EMILIN2: variants seen among roughly 807,000 people sequenced by gnomAD.
EMILIN2 encodes the protein elastin microfibril interfacer 2, also known as EMILIN-2.
Under a neutral mutation model 87.1 loss-of-function variants are expected in EMILIN2, and 71 were observed. The observed-to-expected ratio is 0.82, with a 90% CI of 0.67 to 0.99. The LOEUF (loss-of-function observed/expected upper bound fraction) is 0.99. Among genes scored for constraint, EMILIN2 ranks in the 50% least tolerant of loss-of-function variants. EMILIN2 has a pLI of 0.00. For synonymous variants in EMILIN2, 581 were observed against 563.4 expected (o/e 1.03, Z -0.44); for missense variants, 1,407 against 1,371.8 (o/e 1.03, Z -0.40).
intron 2 of EMILIN2, among the ~76,000 whole-genome samples, chr18:2,861,656 T>C (rs964812087): frequency 1.3e-4 from 20 of 152,206 alleles, no homozygotes; most frequent in Non-Finnish European, 2.8e-4. Flanking sequence ...TAGTTTGAAG[T>C]CAGGTAGTGT....
intron 7 of EMILIN2, among the ~76,000 whole-genome samples, chr18:2,911,053 C>T (rs1377796834): frequency 6.6e-6 from 1 of 152,194 alleles, no homozygotes; most frequent in Non-Finnish European, 1.5e-5. Flanking sequence ...TGCTTGCCTC[C>T]TCAGAAGAAA....
upstream of EMILIN2, chr18:2,846,693 A>G (rs1443688103): frequency 8.4e-6 from 8 of 953,920 alleles, no homozygotes; most frequent in Non-Finnish European, 1.0e-5. The surrounding 1 kb of genome is among the most constrained non-coding windows in gnomAD (Gnocchi z 5.3). Context: ...GGACGGCCAG[A>G]CTCGCCGACG....
rs371058349 is a variant in EMILIN2 at position 2,880,676 on chromosome 18, A to G, written c.258-4288A>G. ...GGTCCCTCGGCTTGGCCACCCCCAC[A>G]CTGCAGTTAGTTGACTGATTCTGTA... is the stretch of plus-strand genomic sequence containing the variant. On this transcript the variant is annotated intron_variant, in intron 2 of 7. Coordinates refer to ENST00000254528, the MANE Select transcript of EMILIN2 (RefSeq NM_032048.3). The surrounding 1 kb of genome is among the most constrained non-coding windows in gnomAD (Gnocchi z 4.1). Among the ~76,000 whole-genome samples the G allele has an allele frequency of 4.6e-5, 7 of 152,156 alleles. No individual in the cohort carries two copies. In the East Asian group the frequency reaches 1.4e-3, roughly 29 times the overall value.
chr18:2,870,217 C>T (rs1001217966), intron 2 of EMILIN2, among the ~76,000 whole-genome samples: 3 of 152,056 alleles, frequency 2.0e-5, no homozygotes, highest in Non-Finnish European at 4.4e-5. Flanking sequence ...CTCCAGCCTA[C>T]GTGACAGACC....
At chr18:2,906,652 A>G (rs2076913893) in intron 4 of EMILIN2, 131 bp from the exon 5 acceptor site, 1 of 701,470 alleles carries the variant, frequency 1.4e-6, no homozygotes, top group Non-Finnish European at 2.0e-6. Flanking sequence ...CGCTGGCCTG[A>G]CGTCGCAGGG....
intron 2 of EMILIN2, among the ~76,000 whole-genome samples, chr18:2,849,836 T>G (rs1345824621): frequency 1.6e-4 from 24 of 151,548 alleles, no homozygotes; most frequent in Non-Finnish European, 1.5e-5. Context: ...CAGTCTTGAC[T>G]TTTTTCAGTT....
intron 4 of EMILIN2, among the ~76,000 whole-genome samples, chr18:2,898,769 C>G (rs1453538072): frequency 6.6e-6 from 1 of 152,226 alleles, no homozygotes; most frequent in Non-Finnish European, 1.5e-5. Flanking sequence ...AGGGCACTGC[C>G]TGATGCCAAC....
At chr18:2,888,531 C>T (rs890138976) in intron 3 of EMILIN2, among the ~76,000 whole-genome samples, 2 of 151,976 alleles carry the variant, frequency 1.3e-5, no homozygotes, top group African/African-American at 2.4e-5. Flanking sequence ...CTGGCTAACA[C>T]AGTGAAACCC....
In EMILIN2 at chr18:2,870,268, T is replaced by C. The variant is rs114737350; in HGVS notation, c.258-14696T>C. The stretch of plus-strand genomic sequence containing the variant: ...TAAGTAAATAAAAATAAAAACATAA[T>C]GAAGTAAAAAACATTTCACATTTAT... On this transcript the variant is annotated intron_variant, in intron 2 of 7. Coordinates refer to ENST00000254528, the MANE Select transcript of EMILIN2 (RefSeq NM_032048.3). Among the ~76,000 whole-genome samples, 573 of 152,156 alleles carry C rather than the reference T, an allele frequency of 3.8e-3. 8 individuals carry two copies. The highest frequency in any genetic ancestry group is 0.013 in the African/African-American group (532 of 41,480).
intron 2 of EMILIN2, among the ~76,000 whole-genome samples, chr18:2,855,773 C>G (rs923023834): frequency 6.6e-6 from 1 of 152,218 alleles, no homozygotes; most frequent in Non-Finnish European, 1.5e-5. Context: ...ACACTTTCCT[C>G]ACGTCTACAT....
At chr18:2,882,895 A>T (rs923927701) in intron 2 of EMILIN2, among the ~76,000 whole-genome samples, 3 of 151,916 alleles carry the variant, frequency 2.0e-5, no homozygotes, top group African/African-American at 4.8e-5. Context: ...AAAAAAAAAA[A>T]ATATGACCCA....
In EMILIN2 at chr18:2,847,441, C is replaced by T. The variant is rs2076580718; in HGVS notation, c.134+119C>T. ...CAGCCGGGGGCCTCCCTTGGACTTC[C>T]CCGGGCGGCTCCCTCTGCGGGGGAC... On this transcript the variant is annotated intron_variant, in intron 1 of 7. Transcript: ENST00000254528. This position sits in a 1 kb window ranked among gnomAD's most constrained non-coding sequence, Gnocchi z 4.5. 8.8e-7 allele frequency: 1 copy of T among 1,133,652 alleles called. No homozygotes were observed. Among genetic ancestry groups the T allele is most frequent in the Admixed American group, 4.3e-5 (1 of 23,020 alleles). The allele number at this position is 1,133,652 out of a possible 1,614,324, so 70.2% of individuals were successfully genotyped here.
At position 2,909,034 on chromosome 18, in the gene EMILIN2, T is replaced by G; in HGVS notation, c.2695+59T>G. ...CGGTCTCCTTGGTGGCCTCTGCCCC[T>G]CCTCTGCATCTCCTGCCTCCTCCCT... On this transcript the variant is annotated intron_variant, in intron 6 of 7. Transcript: ENST00000254528. The G allele has an allele frequency of 2.5e-6, 4 of 1,587,018 alleles. No homozygotes were observed. In the South Asian group the frequency reaches 4.4e-5, roughly 18 times the overall value.
intron 2 of EMILIN2, among the ~76,000 whole-genome samples, chr18:2,864,460 T>G (rs1167511620): frequency 6.6e-6 from 1 of 152,222 alleles, no homozygotes; most frequent in Non-Finnish European, 1.5e-5. Context: ...TAAAGTATTT[T>G]ATTTCTCCTT....
At position 2,884,904 on chromosome 18, in the gene EMILIN2, C is replaced by T. The variant is rs1354042982; in HGVS notation, c.258-60C>T. On this transcript the variant is annotated intron_variant, in intron 2 of 7. Transcript: ENST00000254528. Reference sequence around the variant, plus strand: ...CTGAGTCCTCTTTATTTGGGTCTAGCGCCGGAAGTTGCTTGTAACGGCAGC... The same window carrying T: ...CTGAGTCCTCTTTATTTGGGTCTAGTGCCGGAAGTTGCTTGTAACGGCAGC... 6.6e-6 allele frequency: 10 copies of T among 1,516,868 alleles called. No individual in the cohort carries two copies. In the East Asian group the frequency reaches 7.0e-5, roughly 11 times the overall value. 94.0% of individuals were successfully genotyped at this position (1,516,868 alleles called of 1,614,324 possible).
At position 2,885,274 on chromosome 18, in the gene EMILIN2, C is replaced by T. The variant is rs925100183; in HGVS notation, c.433+135C>T. 11 of 918,010 alleles carry T rather than the reference C, an allele frequency of 1.2e-5. No individual in the cohort carries two copies. In the African/African-American group the frequency reaches 1.9e-4, roughly 16 times the overall value. The allele number at this position is 918,010 out of a possible 1,614,324, so 56.9% of individuals were successfully genotyped here. On this transcript the variant is annotated intron_variant, in intron 3 of 7. Coordinates refer to ENST00000254528, the MANE Select transcript of EMILIN2 (RefSeq NM_032048.3). ...AACACACATAGATACCTGCAGTAGCCACATGTGACAAATTTATTCTCAGGA... is the reference window on the plus strand; with the variant it reads ...AACACACATAGATACCTGCAGTAGCTACATGTGACAAATTTATTCTCAGGA...
intron 3 of EMILIN2, among the ~76,000 whole-genome samples, chr18:2,889,692 C>CTTTTTTT (rs34248672): frequency 2.4e-4 from 23 of 96,648 alleles, no homozygotes; most frequent in African/African-American, 4.1e-4. Flanking sequence ...TTTTTCTTTT[C>CTTTTTTT]TTTTTTTTTT....
chr18:2,909,929 C>T (rs891553093), intron 7 of EMILIN2, 110 bp downstream of exon 7: 26 of 1,463,640 alleles, frequency 1.8e-5, no homozygotes, highest in Admixed American at 4.7e-5. Context: ...TCAGGGAGGA[C>T]GCCACCCTGG....
At position 2,890,430 on chromosome 18, in the gene EMILIN2, T is replaced by TA; in HGVS notation, c.434-130dup. On this transcript the variant is annotated intron_variant, in intron 3 of 7. Transcript: ENST00000254528. The surrounding 1 kb of genome is among the most constrained non-coding windows in gnomAD (Gnocchi z 4.7). The stretch of plus-strand genomic sequence containing the variant: ...CTCTTTTCTACTGTACCACAGTACT[T>TA]ACCTACAATTGTGTAGTGACCTGTA... 1.8e-6 allele frequency: 2 copies of TA among 1,084,932 alleles called. No individual in the cohort carries two copies. Among genetic ancestry groups the TA allele is most frequent in the Non-Finnish European group, 2.6e-6 (2 of 765,616 alleles). The allele number at this position is 1,084,932 out of a possible 1,614,324, so 67.2% of individuals were successfully genotyped here.
Sources: gnomAD v4.1 joint callset for allele counts (sites outside exome capture counted in the v4.1 genomes callset) on GRCh38, gnomAD v4.1.1 for gene constraint, Gnocchi (gnomAD v3.1) non-coding constraint, MANE v1.5 for transcripts, NCBI Gene and HGNC (gene_info 2026-07-23, HGNC 2026-07-21) for gene names.